Variants in RYR2 observed in about 807,000 individuals in gnomAD.
RYR2 encodes cardiac muscle ryanodine receptor-calcium release channel.
A neutral mutation model predicts 601.1 loss-of-function variants in RYR2; 227 were observed. That is an observed-to-expected ratio of 0.38 (90% CI 0.34 to 0.42). RYR2 has a LOEUF of 0.42. RYR2 is among the 10% of genes least tolerant of loss of function. RYR2 has a pLI of 1.00. For synonymous variants in RYR2, 2,223 were observed against 2,175.1 expected, an observed-to-expected ratio of 1.02 and a Z score of -0.61; for missense variants, 4,646 against 6,156.5, an observed-to-expected ratio of 0.75 and a Z score of 8.21.
intron 12 of RYR2, among the ~76,000 whole-genome samples, chr1:237,430,768 A>G (rs1380916240): frequency 6.6e-6 from 1 of 152,194 alleles, no homozygotes; most frequent in African/African-American, 2.4e-5. Flanking sequence ...AAAAGCTGTG[A>G]ATATTTTTGA....
At chr1:237,042,658 G>C in intron 1 of RYR2, 89 bp downstream of exon 1, 1 of 1,197,518 alleles carries the variant, frequency 8.4e-7, no homozygotes, top group Non-Finnish European at 1.1e-6. Flanking sequence ...AGCGGGCAGC[G>C]GGGACTCGCG....
intron 43 of RYR2, 51 bp downstream of exon 43, chr1:237,633,761 A>G (rs1260583630): frequency 2.0e-6 from 3 of 1,516,134 alleles, no homozygotes; most frequent in Non-Finnish European, 1.8e-6. Flanking sequence ...ATATAATATT[A>G]CATTTAAAAA....
At chr1:237,105,182 T>C (rs931732912) in intron 1 of RYR2, among the ~76,000 whole-genome samples, 13 of 152,200 alleles carry the variant, frequency 8.5e-5, no homozygotes, top group African/African-American at 3.1e-4. Flanking sequence ...GAAATTTTAT[T>C]GAGCACCGAC....
chr1:237,809,140 TAAAC>T (rs1660986035), intron 100 of RYR2, 105 bp downstream of exon 100: 9 of 1,076,474 alleles, frequency 8.4e-6, no homozygotes, highest in Non-Finnish European at 1.2e-5. Flanking sequence ...GAAAATAGTC[TAAAC>T]AAATAAAAAG....
At chr1:237,232,736 G>A (rs893924288) in intron 1 of RYR2, among the ~76,000 whole-genome samples, 3 of 151,984 alleles carry the variant, frequency 2.0e-5, no homozygotes. Context: ...GGGAATCTGA[G>A]GCCATCTGCA....
intron 15 of RYR2, among the ~76,000 whole-genome samples, chr1:237,455,300 T>C (rs908926640): frequency 1.3e-5 from 2 of 152,208 alleles, no homozygotes; most frequent in Admixed American, 6.6e-5. Flanking sequence ...GCATCTTGTA[T>C]GCAGAATAAT....
intron 29 of RYR2, among the ~76,000 whole-genome samples, chr1:237,575,714 T>C (rs548999809): frequency 3.3e-4 from 50 of 152,362 alleles, no homozygotes; most frequent in African/African-American, 1.2e-3. Context: ...AGAGCACTTA[T>C]AAAACCTTTC....
intron 1 of RYR2, among the ~76,000 whole-genome samples, chr1:237,098,934 G>GC (rs1227153113): frequency 2.0e-5 from 3 of 152,138 alleles, no homozygotes; most frequent in African/African-American, 7.2e-5. Context: ...TCTTCCCCTG[G>GC]CATGTCTCAG....
chr1:237,405,043 A>G (rs1200727008), intron 10 of RYR2, among the ~76,000 whole-genome samples: 1 of 152,200 alleles, frequency 6.6e-6, no homozygotes, highest in African/African-American at 2.4e-5. Context: ...TGAGCAGGGA[A>G]CCCAGCTACA....
At chr1:237,385,804 A>G (rs1387776457) in intron 8 of RYR2, among the ~76,000 whole-genome samples, 1 of 152,224 alleles carries the variant, frequency 6.6e-6, no homozygotes, top group African/African-American at 2.4e-5. Context: ...TAGCTTCTCC[A>G]CATACGTGTT....
chr1:237,107,341 GAA>G (rs1192791532), intron 1 of RYR2, among the ~76,000 whole-genome samples: 1 of 151,076 alleles, frequency 6.6e-6, no homozygotes, highest in Non-Finnish European at 1.5e-5. Flanking sequence ...CTAACACGGT[GAA>G]ACCCCGTCTC....
At chr1:237,537,968 T>C (rs962231100) in intron 25 of RYR2, among the ~76,000 whole-genome samples, 1 of 152,154 alleles carries the variant, frequency 6.6e-6, no homozygotes, top group Non-Finnish European at 1.5e-5. Flanking sequence ...CTATTTTTGA[T>C]ACTTTTGCAT....
Position 237,585,494 on chromosome 1 carries a change from C to G in RYR2, c.3599-4299C>G, listed in dbSNP as rs373900065. Among the ~76,000 whole-genome samples, 27 of 152,280 alleles carry G rather than the reference C, an allele frequency of 1.8e-4. 1 individual carries two copies. The South Asian group carries it at 5.6e-3, about 32-fold the overall frequency. ...CTGAACAAAGGGAGGTGACGGAGGC[C>G]TGGCCCTTTCTCTGTGTGGCAGCTG... On this transcript the variant is annotated intron_variant, in intron 29 of 104. Transcript: ENST00000366574.
intron 1 of RYR2, among the ~76,000 whole-genome samples, chr1:237,240,466 G>A (rs1328970193): frequency 1.3e-5 from 2 of 151,910 alleles, no homozygotes; most frequent in Non-Finnish European, 2.9e-5. Context: ...TTTATATACT[G>A]TTCATGGTCC....
chr1:237,340,767 C>T (rs1032891982), intron 3 of RYR2, among the ~76,000 whole-genome samples: 1 of 152,096 alleles, frequency 6.6e-6, no homozygotes, highest in African/African-American at 2.4e-5. Flanking sequence ...TGTCCAAAGC[C>T]TCTGTATATA....
At chr1:237,066,289 T>C (rs1663607698) in intron 1 of RYR2, among the ~76,000 whole-genome samples, 1 of 152,258 alleles carries the variant, frequency 6.6e-6, no homozygotes, top group Non-Finnish European at 1.5e-5. Flanking sequence ...AAAATGGCTA[T>C]GAATAATCTT....
chr1:237,062,365 A>G (rs1451455335), intron 1 of RYR2, among the ~76,000 whole-genome samples: 1 of 152,206 alleles, frequency 6.6e-6, no homozygotes, highest in East Asian at 1.9e-4. Flanking sequence ...CCAATCTATG[A>G]ACATGGTATA....
Position 237,417,082 on chromosome 1 carries a change from T to C in RYR2, c.807T>C (p.Val269=). Residue 269 remains valine, a synonymous_variant, in exon 11 of 105, where the codon GTT becomes GTC. Coordinates refer to ENST00000366574, the MANE Select transcript of RYR2 (RefSeq NM_001035.3). The stretch of plus-strand genomic sequence containing the variant: ...ATTATGAAGGTGGCGCTGTGTCTGT[T>C]CATGCACGTTCCCTTTGGAGACTAG... ...TVHYEGGAVS[V]HARSLWRLET... 1 of 1,613,980 alleles carries C rather than the reference T, an allele frequency of 6.2e-7. No individual in the cohort carries two copies.
At chr1:237,694,528 G>A (rs1034150885) in intron 63 of RYR2, among the ~76,000 whole-genome samples, 1 of 151,890 alleles carries the variant, frequency 6.6e-6, no homozygotes, top group Non-Finnish European at 1.5e-5. Context: ...CTATTTCCTG[G>A]ATTTAACTTA....
Sources: allele counts gnomAD v4.1 joint callset (sites outside exome capture counted in the v4.1 genomes callset), GRCh38; gene constraint gnomAD v4.1.1; transcripts MANE v1.5; gene names NCBI Gene and HGNC (gene_info 2026-07-23, HGNC 2026-07-21).